Variants in ATP11C observed in about 807,000 individuals in gnomAD.
ATP11C encodes the protein phospholipid-transporting ATPase IG.
ATP11C carries 36 observed loss-of-function variants against 97.4 expected under a neutral mutation model. That is an observed-to-expected ratio of 0.37 (90% CI 0.28 to 0.49). ATP11C has a LOEUF of 0.49. Ranked by LOEUF, ATP11C falls within the 20% of genes least tolerant of loss-of-function variation. ATP11C has a pLI of 0.98. For missense variants in ATP11C, 730 were observed against 824.6 expected (o/e 0.89, Z 1.40); for synonymous variants, 275 against 290.9 (o/e 0.95, Z 0.56).
chrX:139,787,464 A>T (rs2082598885), intron 14 of ATP11C, among the ~76,000 whole-genome samples: 1 of 110,517 alleles, frequency 9.0e-6, no homozygotes, highest in African/African-American at 3.3e-5. Flanking sequence ...CACCCGGCTG[A>T]TTTTTGTATT....
At chrX:139,833,199 A>T (rs2083686731) in intron 1 of ATP11C, among the ~76,000 whole-genome samples, 1 of 112,145 alleles carries the variant, frequency 8.9e-6, no homozygotes, top group African/African-American at 3.2e-5. Flanking sequence ...CAATGAATGC[A>T]TTTTTCCAAG....
At chrX:139,782,284 G>A (rs1233860621) in intron 18 of ATP11C, among the ~76,000 whole-genome samples, 2 of 105,788 alleles carry the variant, frequency 1.9e-5, no homozygotes, top group African/African-American at 7.0e-5. Flanking sequence ...CCAAGACCGC[G>A]CCACTGCACT....
intron 1 of ATP11C, among the ~76,000 whole-genome samples, chrX:139,846,646 A>G: frequency 8.9e-6 from 1 of 111,976 alleles, no homozygotes; most frequent in Non-Finnish European, 1.9e-5. Context: ...TCCTAGGAAT[A>G]CATTTAAAAT....
intron 1 of ATP11C, among the ~76,000 whole-genome samples, chrX:139,917,947 C>T (rs1427622117): frequency 3.6e-5 from 2 of 55,869 alleles, no homozygotes; most frequent in African/African-American, 1.5e-4. Flanking sequence ...CAGAGCCAGG[C>T]TTTGTCTCAA....
intron 28 of ATP11C, among the ~76,000 whole-genome samples, chrX:139,737,335 A>C (rs1042703035): frequency 1.1e-4 from 12 of 111,706 alleles, no homozygotes; most frequent in Non-Finnish European, 2.1e-4. Flanking sequence ...GAAAAATAAA[A>C]ACACACTCAT....
At position 139,731,686 on chromosome X, in the gene ATP11C, G is replaced by A. The variant is rs937327259; in HGVS notation, c.3358C>T (p.Arg1120Ter). The change falls in exon 29 of 30, where the codon CGA becomes TGA. Residue 1120 changes from arginine to a stop codon, truncating the protein, a stop_gained. Transcript: ENST00000682941. LOFTEE classifies it high-confidence loss of function. ...ACATTAGATTCGTCTGAGAATGTTCGTAAAAGAAGAGGTCTGACTGAAGGT... is the reference window on the plus strand; with the variant it reads ...ACATTAGATTCGTCTGAGAATGTTCATAAAAGAAGAGGTCTGACTGAAGGT... ...ARPSVRPLLLRTFSDESNVL is the reference protein window; with the variant it reads ...ARPSVRPLLL The A allele has an allele frequency of 1.7e-6, 2 of 1,191,120 alleles. No individual in the cohort carries two copies. The highest frequency in any genetic ancestry group is 3.0e-5 in the East Asian group (1 of 33,210).
At chrX:139,896,801 G>A (rs2084817195) in intron 1 of ATP11C, among the ~76,000 whole-genome samples, 1 of 109,692 alleles carries the variant, frequency 9.1e-6, no homozygotes, top group Admixed American at 9.9e-5. Flanking sequence ...TAGAGACGGG[G>A]TTTCACCATG....
At chrX:139,852,451 G>A (rs1292494120) in intron 1 of ATP11C, among the ~76,000 whole-genome samples, 2 of 8,031 alleles carry the variant, frequency 2.5e-4, no homozygotes, top group African/African-American at 5.2e-4. Flanking sequence ...TCTCAGCAAT[G>A]CGGGGGGGGG....
chrX:139,826,485 A>T (rs947643368), intron 2 of ATP11C, among the ~76,000 whole-genome samples: 2 of 111,407 alleles, frequency 1.8e-5, no homozygotes, highest in Non-Finnish European at 3.8e-5. Flanking sequence ...GTGAATCATA[A>T]CGGAAGGCAA....
At chrX:139,865,145 G>A (rs1294777255) in intron 1 of ATP11C, among the ~76,000 whole-genome samples, 1 of 111,786 alleles carries the variant, frequency 8.9e-6, no homozygotes, top group African/African-American at 3.3e-5. Flanking sequence ...GGAAGGCTGA[G>A]GCAGGATTGC....
At chrX:139,831,351 GA>G (rs111615650) in intron 1 of ATP11C, among the ~76,000 whole-genome samples, 10 of 102,193 alleles carry the variant, frequency 9.8e-5, no homozygotes, top group East Asian at 3.1e-4. Flanking sequence ...ACATTTAATT[GA>G]AAAAAAAAAA....
At chrX:139,876,703 T>C (rs762606443) in intron 1 of ATP11C, among the ~76,000 whole-genome samples, 2 of 112,327 alleles carry the variant, frequency 1.8e-5, no homozygotes, top group East Asian at 2.8e-4. Flanking sequence ...CTCAAAGGAT[T>C]TGAGAGGACT....
chrX:139,783,309 C>T, intron 16 of ATP11C, 42 bp from the exon 17 acceptor site: 3 of 1,013,165 alleles, frequency 3.0e-6, no homozygotes, highest in Non-Finnish European at 4.1e-6. Context: ...AATTTTAAGG[C>T]TGGTATTGTG....
chrX:139,825,578 C>CTCA (rs1366693407), intron 2 of ATP11C, among the ~76,000 whole-genome samples: 2 of 112,262 alleles, frequency 1.8e-5, no homozygotes, highest in Non-Finnish European at 3.8e-5. Flanking sequence ...TACATATCTG[C>CTCA]TCATTAGGCA....
At chrX:139,926,060 G>A (rs748272267) in intron 1 of ATP11C, among the ~76,000 whole-genome samples, 1 of 111,759 alleles carries the variant, frequency 8.9e-6, no homozygotes, top group East Asian at 2.8e-4. Context: ...AACATATGCT[G>A]CAGTTGTGCC....
At chrX:139,889,954 G>C (rs1278115815) in intron 1 of ATP11C, among the ~76,000 whole-genome samples, 1 of 112,104 alleles carries the variant, frequency 8.9e-6, no homozygotes, top group Non-Finnish European at 1.9e-5. Context: ...TGCCTAAGGA[G>C]ACAGGAATTT....
intron 1 of ATP11C, among the ~76,000 whole-genome samples, chrX:139,834,670 T>C (rs1297325516): frequency 8.9e-6 from 1 of 112,122 alleles, no homozygotes; most frequent in Non-Finnish European, 1.9e-5. Context: ...TTGTTTAGAT[T>C]GTTAAATTTT....
chrX:139,756,544 C>T (rs2081939059), intron 23 of ATP11C, among the ~76,000 whole-genome samples: 1 of 111,718 alleles, frequency 9.0e-6, no homozygotes, highest in South Asian at 3.7e-4. Flanking sequence ...CAGCATTCTT[C>T]ATAATATCAA....
At chrX:139,853,058 G>C (rs1230190494) in intron 1 of ATP11C, among the ~76,000 whole-genome samples, 6 of 111,522 alleles carry the variant, frequency 5.4e-5, no homozygotes, top group Non-Finnish European at 9.4e-5. Context: ...GGTGTTGAGG[G>C]GTTGAGCCTC....
Sources: gnomAD v4.1 joint callset for allele counts (sites outside exome capture counted in the v4.1 genomes callset) on GRCh38, gnomAD v4.1.1 for gene constraint, MANE v1.5 for transcripts, NCBI Gene and HGNC (gene_info 2026-07-23, HGNC 2026-07-21) for gene names.